The following SPOCK3 variants were observed in gnomAD, a reference collection of about 807,000 sequenced individuals.
SPOCK3 encodes the protein SPARC (osteonectin), cwcv and kazal like domains proteoglycan 3.
A neutral mutation model predicts 56.6 loss-of-function variants in SPOCK3; 30 were observed. The ratio of observed to expected loss-of-function variants is 0.53; its 90% confidence interval spans 0.40 to 0.72. SPOCK3 has a LOEUF of 0.72. Ranked by LOEUF, SPOCK3 falls within the 30% of genes least tolerant of loss-of-function variation. SPOCK3 has a pLI of 0.00. For missense variants in SPOCK3, 527 were observed against 530.0 expected (o/e 0.99, Z 0.06); for synonymous variants, 196 against 183.3 (o/e 1.07, Z -0.56).
intron 3 of SPOCK3, among the ~76,000 whole-genome samples, chr4:167,014,304 A>C: frequency 6.7e-6 from 1 of 149,740 alleles, no homozygotes; most frequent in Non-Finnish European, 1.5e-5. Context: ...ATTTTAAGGT[A>C]AACATAATAA....
intron 3 of SPOCK3, among the ~76,000 whole-genome samples, chr4:167,060,936 T>C (rs1185604865): frequency 6.6e-6 from 1 of 151,964 alleles, no homozygotes; most frequent in South Asian, 2.1e-4. Flanking sequence ...ACACTTGGAG[T>C]AGTGACTCAA....
intron 2 of SPOCK3, among the ~76,000 whole-genome samples, chr4:167,232,939 A>G (rs996567829): frequency 2.6e-5 from 4 of 152,188 alleles, no homozygotes; most frequent in African/African-American, 9.6e-5. Flanking sequence ...TGATGAAAGA[A>G]GTTAACTCAT....
chr4:166,926,368 G>A (rs1310762992), intron 4 of SPOCK3, among the ~76,000 whole-genome samples: 1 of 152,068 alleles, frequency 6.6e-6, no homozygotes, highest in African/African-American at 2.4e-5. Flanking sequence ...AGCCAAATCT[G>A]TAGAACTTCA....
At chr4:167,187,979 T>G (rs2110821942) in intron 2 of SPOCK3, among the ~76,000 whole-genome samples, 1 of 152,252 alleles carries the variant, frequency 6.6e-6, no homozygotes, top group Admixed American at 6.5e-5. Flanking sequence ...ACAGAGGTTG[T>G]TTGTCACCAG....
intron 2 of SPOCK3, among the ~76,000 whole-genome samples, chr4:167,218,949 T>C (rs929730630): frequency 1.3e-5 from 2 of 152,176 alleles, no homozygotes; most frequent in Non-Finnish European, 2.9e-5. Flanking sequence ...TCCCTAGTTA[T>C]CAGTGTGGAG....
chr4:166,955,683 T>G (rs1743378504), intron 4 of SPOCK3, among the ~76,000 whole-genome samples: 1 of 147,830 alleles, frequency 6.8e-6, no homozygotes, highest in African/African-American at 2.5e-5. Context: ...GAAATATAAA[T>G]TATTAATAAA....
chr4:166,837,503 A>G (rs1375264297), intron 6 of SPOCK3, among the ~76,000 whole-genome samples: 1 of 152,092 alleles, frequency 6.6e-6, no homozygotes, highest in Non-Finnish European at 1.5e-5. Flanking sequence ...TAGCCATTAC[A>G]TTATATATAC....
chr4:166,899,351 C>T (rs1458102420), intron 5 of SPOCK3, among the ~76,000 whole-genome samples: 2 of 151,176 alleles, frequency 1.3e-5, no homozygotes, highest in Non-Finnish European at 2.9e-5. Flanking sequence ...ACCTTAAATG[C>T]CTAAAGCTTT....
At chr4:167,038,565 C>T (rs1047464759) in intron 3 of SPOCK3, among the ~76,000 whole-genome samples, 1 of 149,474 alleles carries the variant, frequency 6.7e-6, no homozygotes, top group Admixed American at 6.8e-5. Context: ...TCTAATTGGT[C>T]AGATCTGTGT....
chr4:167,040,930 G>A (rs188711884), intron 3 of SPOCK3, among the ~76,000 whole-genome samples: 4 of 152,264 alleles, frequency 2.6e-5, no homozygotes, highest in Non-Finnish European at 4.4e-5. Context: ...ACAGTGAGTG[G>A]AAAGAATTTA....
chr4:167,058,682 C>G (rs1055188489), intron 3 of SPOCK3, among the ~76,000 whole-genome samples: 4 of 152,006 alleles, frequency 2.6e-5, no homozygotes, highest in Admixed American at 1.3e-4. Flanking sequence ...AAAAAGAGCC[C>G]GCATCGCCAA....
In SPOCK3 at chr4:167,055,739, G is replaced by A. The variant is rs1024982648; in HGVS notation, c.235+6753C>T. Among the ~76,000 whole-genome samples the A allele has an allele frequency of 1.1e-4, 17 of 152,286 alleles. 2 individuals are homozygous for A. The highest frequency in any genetic ancestry group is 2.6e-4 in the African/African-American group (11 of 41,570). On this transcript the variant is annotated intron_variant, in intron 3 of 10. Coordinates refer to ENST00000357545, the MANE Select transcript of SPOCK3 (RefSeq NM_001040159.2). ...TGAGATCAAACTGCAAGGCTGCAGCGAGGCTGGGGGAGGGAGCCCGCCATT... is the reference window on the plus strand; with the variant it reads ...TGAGATCAAACTGCAAGGCTGCAGCAAGGCTGGGGGAGGGAGCCCGCCATT...
intron 4 of SPOCK3, among the ~76,000 whole-genome samples, chr4:166,978,579 G>A (rs1386404931): frequency 6.6e-6 from 1 of 152,182 alleles, no homozygotes; most frequent in Non-Finnish European, 1.5e-5. Flanking sequence ...TACCCACCAT[G>A]TTCTGAGCTT....
chr4:166,939,410 C>G lies in SPOCK3; in HGVS notation c.351-26667G>C, dbSNP rs1740805556. On this transcript the variant is annotated intron_variant, in intron 4 of 10. Coordinates refer to ENST00000357545, the MANE Select transcript of SPOCK3 (RefSeq NM_001040159.2). ...CATAAATAAAATAATAAGAACAAAG[C>G]AATAAAAACAGATATCATAAGAACT... Among the ~76,000 whole-genome samples the G allele has an allele frequency of 1.3e-5, 2 of 151,556 alleles. 1 individual carries two copies. The highest frequency in any genetic ancestry group is 4.2e-4 in the South Asian group (2 of 4,786).
At chr4:166,780,347 C>A (rs538564135) in intron 7 of SPOCK3, among the ~76,000 whole-genome samples, 1 of 151,986 alleles carries the variant, frequency 6.6e-6, no homozygotes, top group African/African-American at 2.4e-5. Flanking sequence ...CTCTGGAAAC[C>A]ATAAAAAAAA....
intron 2 of SPOCK3, among the ~76,000 whole-genome samples, chr4:167,123,189 A>T (rs1220788483): frequency 6.6e-6 from 1 of 152,134 alleles, no homozygotes; most frequent in Non-Finnish European, 1.5e-5. Context: ...GTTTAAAGTG[A>T]TAAAGTATAT....
intron 2 of SPOCK3, among the ~76,000 whole-genome samples, chr4:167,188,139 T>C (rs1483424642): frequency 6.8e-6 from 1 of 146,146 alleles, no homozygotes; most frequent in Non-Finnish European, 1.5e-5. Context: ...TGAAAGAATT[T>C]GAAGACTCAT....
intron 2 of SPOCK3, among the ~76,000 whole-genome samples, chr4:167,161,854 C>A (rs1307354150): frequency 7.6e-6 from 1 of 130,908 alleles, no homozygotes; most frequent in African/African-American, 3.0e-5. Context: ...AACACATGGA[C>A]ACAGGAAGGG....
At chr4:167,184,297 T>C (rs539620993) in intron 2 of SPOCK3, among the ~76,000 whole-genome samples, 1 of 152,296 alleles carries the variant, frequency 6.6e-6, no homozygotes, top group South Asian at 2.1e-4. Flanking sequence ...AGGTGGCATG[T>C]TTCAACTCAC....
Sources: allele counts gnomAD v4.1 joint callset (sites outside exome capture counted in the v4.1 genomes callset), GRCh38; gene constraint gnomAD v4.1.1; transcripts MANE v1.5; gene names NCBI Gene and HGNC (gene_info 2026-07-23, HGNC 2026-07-21).